Variants in PDHA1 observed in about 807,000 individuals in gnomAD.
PDHA1 encodes the protein pyruvate dehydrogenase E1 subunit alpha 1.
In PDHA1, 1 loss-of-function variant was observed where a neutral mutation model predicts 33.0. The ratio of observed to expected loss-of-function variants is 0.03; its 90% confidence interval spans 0.01 to 0.14. PDHA1 has a LOEUF of 0.14. Ranked by LOEUF, PDHA1 falls within the 10% of genes least tolerant of loss-of-function variation. The pLI, the probability that PDHA1 is intolerant of heterozygous loss-of-function variation, is 1.00. For missense variants in PDHA1, 168 were observed against 325.1 expected (o/e 0.52, Z 3.72); for synonymous variants, 123 against 119.2 (o/e 1.03, Z -0.21).
At chrX:19,358,092 TTGGAG>T (rs1435984249) in intron 9 of PDHA1, among the ~76,000 whole-genome samples, 1 of 111,909 alleles carries the variant, frequency 8.9e-6, no homozygotes, top group Non-Finnish European at 1.9e-5. Flanking sequence ...GGATCAGAAT[TTGGAG>T]ATGTTCCTCT....
rs749306111 is a variant in PDHA1, at chrX:19,361,583, C to G, written c.*1930C>G. 3.2e-5 allele frequency: 38 copies of G among 1,198,090 alleles called. 1 individual carries two copies. The Admixed American group carries it at 7.7e-4, about 24-fold the overall frequency. On this transcript the variant is annotated 3_prime_UTR_variant, in exon 11 of 11. Coordinates refer to ENST00000422285, the MANE Select transcript of PDHA1 (RefSeq NM_000284.4). ...TCTGCCCGTAGGGGCCTGCTGGGTT[C>G]TCTGTAATACCTGTAACGATTGGCA...
At chrX:19,345,540 G>C (rs1353935504) in intron 1 of PDHA1, among the ~76,000 whole-genome samples, 2 of 91,851 alleles carry the variant, frequency 2.2e-5, no homozygotes, top group East Asian at 7.0e-4. Flanking sequence ...ATTGCACTAC[G>C]GCCTGGGCGA....
chrX:19,353,210 T>A, intron 5 of PDHA1, 37 bp downstream of exon 5: 1 of 1,092,029 alleles, frequency 9.2e-7, no homozygotes, highest in Middle Eastern at 2.4e-4. Context: ...GCTTTAGATT[T>A]GGCCCTGGAC....
In PDHA1 at chrX:19,360,171, C is replaced by CTACT. The variant is rs1351672487; in HGVS notation, c.*522_*525dup. ...CAAAGGCCACATAACTTAGTTTTCTCTACTTACACATTCAGTATAAATATG... is the reference window on the plus strand; with the variant it reads ...CAAAGGCCACATAACTTAGTTTTCTCTACTTACTTACACATTCAGTATAAATATG... On this transcript the variant is annotated 3_prime_UTR_variant, in exon 11 of 11. Transcript: ENST00000422285. 6.7e-5 allele frequency: 10 copies of CTACT among 149,292 alleles called. No individual in the cohort carries two copies. The highest frequency in any genetic ancestry group is 1.6e-4 in the African/African-American group (5 of 31,705). The allele number at this position is 149,292 out of a possible 1,213,427, so 12.3% of individuals were successfully genotyped here.
At position 19,349,286 on chromosome X, in the gene PDHA1, T is replaced by C. The variant is rs781681212; in HGVS notation, c.58-26T>C. 4 of 1,045,626 alleles carry C rather than the reference T, an allele frequency of 3.8e-6. No homozygotes were observed. The South Asian group carries it at 7.5e-5, about 20-fold the overall frequency. The allele number at this position is 1,045,626 out of a possible 1,213,427, so 86.2% of individuals were successfully genotyped here. A position where few individuals can be genotyped will look rare whatever the true frequency, so the allele number is the denominator to read the frequency against. On this transcript the variant is annotated intron_variant, in intron 1 of 10. Coordinates refer to ENST00000422285, the MANE Select transcript of PDHA1 (RefSeq NM_000284.4). Reference sequence around the variant, plus strand: ...TAGCTGACAATTAAAAAGTACTGATTTGTTTGTATATTTTTGTCTTTTAAG... The same window carrying C: ...TAGCTGACAATTAAAAAGTACTGATCTGTTTGTATATTTTTGTCTTTTAAG...
intron 1 of PDHA1, among the ~76,000 whole-genome samples, chrX:19,344,782 T>C (rs1479832274): frequency 8.0e-5 from 9 of 112,639 alleles, no homozygotes; most frequent in Non-Finnish European, 1.7e-4. Flanking sequence ...ATCGATAACA[T>C]GTGTGTTGAA....
intron 10 of PDHA1, 97 bp from the exon 11 acceptor site, chrX:19,359,392 A>T: frequency 1.5e-6 from 1 of 684,174 alleles, no homozygotes; most frequent in South Asian, 2.2e-5. Flanking sequence ...ACTTGTAGTT[A>T]AAGAGTTACA....
rs144356124 is a variant in PDHA1, at chrX:19,360,050, C to CCAT, written c.*398_*400dup. The CCAT allele has an allele frequency of 0.14, 31,093 of 219,577 alleles. 5,702 individuals are homozygous for CCAT. Among genetic ancestry groups the CCAT allele is most frequent in the African/African-American group, 0.65 (21,542 of 32,940 alleles). 18.1% of individuals were successfully genotyped at this position (219,577 alleles called of 1,213,427 possible). ...TGGTGCTGCAGCCTGTTCGCGCTGACCATTTCTCTACAAGATACAATATTT... is the reference window on the plus strand; with the variant it reads ...TGGTGCTGCAGCCTGTTCGCGCTGACCATCATTTCTCTACAAGATACAATATTT... On this transcript the variant is annotated 3_prime_UTR_variant, in exon 11 of 11. Transcript: ENST00000422285.
chrX:19,359,980 C>T lies in PDHA1; in HGVS notation c.*327C>T. Reference sequence around the variant, plus strand: ...TGGGAGGAGACCATTATGGCGGGGCCCCTCACAGCATTCTACCAACCATAG... The same window carrying T: ...TGGGAGGAGACCATTATGGCGGGGCTCCTCACAGCATTCTACCAACCATAG... On this transcript the variant is annotated 3_prime_UTR_variant, in exon 11 of 11. Coordinates refer to ENST00000422285, the MANE Select transcript of PDHA1 (RefSeq NM_000284.4). 1.3e-5 allele frequency: 4 copies of T among 298,023 alleles called. 1 individual carries two copies. Among genetic ancestry groups the T allele is most frequent in the Admixed American group, 4.9e-5 (1 of 20,347 alleles). 24.6% of individuals were successfully genotyped at this position (298,023 alleles called of 1,213,427 possible). A position where few individuals can be genotyped will look rare whatever the true frequency, so the allele number is the denominator to read the frequency against.
intron 4 of PDHA1, among the ~76,000 whole-genome samples, chrX:19,352,193 G>T (rs2063167663): frequency 1.8e-5 from 2 of 108,916 alleles, no homozygotes; most frequent in African/African-American, 6.7e-5. Context: ...GATTACAGGC[G>T]TGAGCCACTG....
At chrX:19,358,476 G>T (rs17247716) in intron 9 of PDHA1, among the ~76,000 whole-genome samples, 2 of 111,592 alleles carry the variant, frequency 1.8e-5, no homozygotes, top group Admixed American at 9.6e-5. Flanking sequence ...CCTGCTTGGC[G>T]CTCTGATGTC....
chrX:19,346,259 A>C (rs767246364), intron 1 of PDHA1, among the ~76,000 whole-genome samples: 3 of 111,751 alleles, frequency 2.7e-5, no homozygotes, highest in Non-Finnish European at 3.8e-5. Flanking sequence ...TGGCTGTGAC[A>C]CAAGATAATC....
Position 19,361,289 on chromosome X carries a change from C to T in PDHA1, c.*1636C>T. Reference sequence around the variant, plus strand: ...TTGTTTTCTGCTCTTGAAGCATATTCACACATAAAAAGTTGTATTCTCTTA... The same window carrying T: ...TTGTTTTCTGCTCTTGAAGCATATTTACACATAAAAAGTTGTATTCTCTTA... On this transcript the variant is annotated 3_prime_UTR_variant, in exon 11 of 11. Coordinates refer to ENST00000422285, the MANE Select transcript of PDHA1 (RefSeq NM_000284.4). 9.9e-7 allele frequency: 1 copy of T among 1,014,335 alleles called. No individual in the cohort carries two copies. The highest frequency in any genetic ancestry group is 2.1e-5 in the South Asian group (1 of 47,856). 83.6% of individuals were successfully genotyped at this position (1,014,335 alleles called of 1,213,427 possible).
At chrX:19,355,073 T>C (rs1279333859) in intron 6 of PDHA1, among the ~76,000 whole-genome samples, 2 of 112,415 alleles carry the variant, frequency 1.8e-5, no homozygotes, top group Non-Finnish European at 3.8e-5. Context: ...GATTTCATAT[T>C]GATCTTTTTT....
intron 5 of PDHA1, among the ~76,000 whole-genome samples, chrX:19,354,129 A>G (rs1166416928): frequency 9.0e-6 from 1 of 111,283 alleles, no homozygotes; most frequent in East Asian, 2.8e-4. Context: ...TATTTTTAGT[A>G]GAGACGGGGT....
At chrX:19,351,609 T>C in intron 4 of PDHA1, 1 of 409,746 alleles carries the variant, frequency 2.4e-6, no homozygotes, top group East Asian at 4.1e-5. Context: ...CAGGTAAAAG[T>C]TTAAAACAGG....
chrX:19,350,128 G>C lies in PDHA1; in HGVS notation c.291+18G>C. The C allele has an allele frequency of 8.7e-7, 1 of 1,151,073 alleles. No individual in the cohort carries two copies. The highest frequency in any genetic ancestry group is 1.2e-6 in the Non-Finnish European group (1 of 839,935). 94.9% of individuals were successfully genotyped at this position (1,151,073 alleles called of 1,213,427 possible). On this transcript the variant is annotated intron_variant, in intron 3 of 10. Coordinates refer to ENST00000422285, the MANE Select transcript of PDHA1 (RefSeq NM_000284.4). ...ATGGTCAGGTGAGTGGTAGGTTTGT[G>C]GTGGAACTGTGTTATTTAGGTACTG...
rs1688655915 is a variant in PDHA1 at position 19,361,006 on chromosome X, A to G, written c.*1353A>G. ...TGGCCTTAGAGGTACGTACCTGCAG[A>G]GAGCTGGCTATTTCAAATGACTCGG... is the stretch of plus-strand genomic sequence containing the variant. On this transcript the variant is annotated 3_prime_UTR_variant, in exon 11 of 11. Transcript: ENST00000422285. 1 of 423,043 alleles carries G rather than the reference A, an allele frequency of 2.4e-6. No individual in the cohort carries two copies. Among genetic ancestry groups the G allele is most frequent in the African/African-American group, 2.5e-5 (1 of 40,523 alleles). The allele number at this position is 423,043 out of a possible 1,213,427, so 34.9% of individuals were successfully genotyped here.
At chrX:19,349,587 G>A (rs2063152900) in intron 2 of PDHA1, among the ~76,000 whole-genome samples, 1 of 111,827 alleles carries the variant, frequency 8.9e-6, no homozygotes, top group African/African-American at 3.3e-5. Flanking sequence ...GCTAGAAAAT[G>A]AAAATAAAAA....
Sources: allele counts gnomAD v4.1 joint callset (sites outside exome capture counted in the v4.1 genomes callset), GRCh38; gene constraint gnomAD v4.1.1; transcripts MANE v1.5; gene names NCBI Gene and HGNC (gene_info 2026-07-23, HGNC 2026-07-21).